The following RNASE11 variants were observed in gnomAD, a reference collection of about 807,000 sequenced individuals.
RNASE11 encodes the protein putative inactive ribonuclease 11.
For missense variants in RNASE11, 252 were observed against 237.8 expected, an observed-to-expected ratio of 1.06 and a Z score of -0.39; for synonymous variants, 105 against 86.1, an observed-to-expected ratio of 1.22 and a Z score of -1.21.
downstream of RNASE11, chr14:20,583,492 C>T (rs1045840333): frequency 5.2e-6 from 1 of 192,448 alleles, no homozygotes; most frequent in Non-Finnish European, 1.1e-5. Context: ...CACTATTTTT[C>T]TGAATAGTAT....
intron 1 of RNASE11, among the ~76,000 whole-genome samples, chr14:20,586,578 G>A (rs1884438944): frequency 2.0e-5 from 3 of 152,344 alleles, no homozygotes; most frequent in South Asian, 4.1e-4. Flanking sequence ...GTCCAGGTGT[G>A]TGTCCAAGGA....
upstream of RNASE11, among the ~76,000 whole-genome samples, chr14:20,589,414 C>G (rs932491042): frequency 2.0e-5 from 3 of 151,688 alleles, no homozygotes; most frequent in Non-Finnish European, 4.4e-5. Context: ...CCACCACGCC[C>G]GGCTAATTTT....
exon 2 of RNASE11, chr14:20,583,792 A>G (rs200654847): frequency 4.8e-4 from 664 of 1,396,076 alleles, no homozygotes; most frequent in Non-Finnish European, 4.0e-4. Context: ...GCTAAAGAGT[A>G]GATATTAAGG....
exon 1 of RNASE11, chr14:20,587,568 C>T: frequency 3.0e-6 from 3 of 985,342 alleles, no homozygotes; most frequent in Non-Finnish European, 2.4e-6. Context: ...CCTACCTGTT[C>T]CTGTTCAGTT....
chr14:20,590,048 AC>A (rs1884533318), upstream of RNASE11: 1 of 777,026 alleles, frequency 1.3e-6, no homozygotes, highest in African/African-American at 1.7e-5. Context: ...GAGATAAGGG[AC>A]AAAAAATGGA....
chr14:20,586,214 T>C (rs903456041), intron 1 of RNASE11, among the ~76,000 whole-genome samples: 7 of 152,188 alleles, frequency 4.6e-5, no homozygotes, highest in African/African-American at 1.7e-4. Context: ...AGTCAATCAG[T>C]GTGACTCTTT....
chr14:20,589,778 T>C (rs1280008341), upstream of RNASE11, among the ~76,000 whole-genome samples: 1 of 151,972 alleles, frequency 6.6e-6, no homozygotes, highest in African/African-American at 2.4e-5. Context: ...TCCCAGCTAC[T>C]TGGGAGGCTG....
chr14:20,586,121 C>A (rs114267725), intron 1 of RNASE11, among the ~76,000 whole-genome samples: 2,276 of 152,348 alleles, frequency 0.015, 53 homozygotes, highest in African/African-American at 0.052. Context: ...CCCCTGAGCC[C>A]AGGAGCCAAT....
At chr14:20,589,373 C>G (rs976652444), upstream of RNASE11, among the ~76,000 whole-genome samples, 1 of 151,690 alleles carries the variant, frequency 6.6e-6, no homozygotes. Flanking sequence ...CTTGCCTCAG[C>G]CTCCGGAGTA....
At chr14:20,586,534 A>G (rs1386885558) in intron 1 of RNASE11, among the ~76,000 whole-genome samples, 2 of 152,236 alleles carry the variant, frequency 1.3e-5, no homozygotes, top group African/African-American at 2.4e-5. Flanking sequence ...GGGTTGATGG[A>G]TTATTGATAG....
chr14:20,584,508 A>G lies in RNASE11; in HGVS notation c.-22-12T>C. ...TAGTGTAATCTCTTCTGCAGTAAAG[A>G]CAATAAATGAAAGATAAAATAAGAA... On this transcript the variant is annotated splice_polypyrimidine_tract_variant and intron_variant, in intron 1 of 1. Coordinates refer to ENST00000553849, the Ensembl canonical transcript of RNASE11. 1 of 1,524,196 alleles carries G rather than the reference A, an allele frequency of 6.6e-7. No individual in the cohort carries two copies. Among genetic ancestry groups the G allele is most frequent in the Non-Finnish European group, 8.8e-7 (1 of 1,140,492 alleles). The allele number at this position is 1,524,196 out of a possible 1,614,324, so 94.4% of individuals were successfully genotyped here.
chr14:20,585,600 A>G (rs548386269), intron 1 of RNASE11, among the ~76,000 whole-genome samples: 52 of 152,326 alleles, frequency 3.4e-4, no homozygotes, highest in Non-Finnish European at 6.3e-4. Flanking sequence ...TCACTCCTCC[A>G]GTTAGTATAA....
chr14:20,589,257 CTTT>C (rs11283999), upstream of RNASE11, among the ~76,000 whole-genome samples: 3 of 136,456 alleles, frequency 2.2e-5, no homozygotes, highest in Admixed American at 7.3e-5. Flanking sequence ...TCCAAGATTT[CTTT>C]TTTTTTTTTT....
upstream of RNASE11, chr14:20,588,390 GAA>G (rs1349136837): frequency 6.6e-6 from 1 of 150,486 alleles, no homozygotes; most frequent in Non-Finnish European, 1.5e-5. Context: ...ACTAAAAAGA[GAA>G]AAGAGTTAGT....
chr14:20,583,902 G>T (rs374265673), exon 2 of RNASE11: 6 of 1,612,626 alleles, frequency 3.7e-6, no homozygotes, highest in African/African-American at 1.3e-5. Context: ...AAACTAACCA[G>T]CTCATCAGAG....
chr14:20,584,637 A>G (rs1566562100), intron 1 of RNASE11, 141 bp from the exon 3 acceptor site: 1 of 600,894 alleles, frequency 1.7e-6, no homozygotes, highest in Non-Finnish European at 2.7e-6. Context: ...ATGATATAAT[A>G]GAAAGACAAT....
rs946088728 is a variant in RNASE11 at position 20,585,076 on chromosome 14, A to C, written c.-22-580T>G. Reference sequence around the variant, plus strand: ...GTAGAGGAAGATTCCACTTTGTTGCAGAGCTAAAAGTGAAATCGTGTTTGT... The same window carrying C: ...GTAGAGGAAGATTCCACTTTGTTGCCGAGCTAAAAGTGAAATCGTGTTTGT... On this transcript the variant is annotated intron_variant, in intron 1 of 1. Coordinates refer to ENST00000553849, the Ensembl canonical transcript of RNASE11. 3 of 985,326 alleles carry C rather than the reference A, an allele frequency of 3.0e-6. No individual in the cohort carries two copies. The African/African-American group carries it at 5.2e-5, about 17-fold the overall frequency. 61.0% of individuals were successfully genotyped at this position (985,326 alleles called of 1,614,324 possible). A position where few individuals can be genotyped will look rare whatever the true frequency, so the allele number is the denominator to read the frequency against.
chr14:20,586,991 A>T (rs1043746245), intron 1 of RNASE11, among the ~76,000 whole-genome samples: 3 of 152,154 alleles, frequency 2.0e-5, no homozygotes, highest in African/African-American at 7.2e-5. Flanking sequence ...CTCTACAACA[A>T]CAACAACAAC....
At chr14:20,587,326 A>G (rs1158706851) in intron 1 of RNASE11, among the ~76,000 whole-genome samples, 1 of 152,212 alleles carries the variant, frequency 6.6e-6, no homozygotes, top group Non-Finnish European at 1.5e-5. Flanking sequence ...CATCTCAGTT[A>G]TACTTTTATC....
Sources: gnomAD v4.1 joint callset for allele counts (sites outside exome capture counted in the v4.1 genomes callset) on GRCh38, gnomAD v4.1.1 for gene constraint, MANE v1.5 for transcripts, NCBI Gene and HGNC (gene_info 2026-07-23, HGNC 2026-07-21) for gene names.